PLPPR1: variants seen among roughly 807,000 people sequenced by gnomAD.
PLPPR1 encodes phospholipid phosphatase related 1, also known as phospholipid phosphatase-related protein type 1.
A neutral mutation model predicts 33.1 loss-of-function variants in PLPPR1; 10 were observed. That is an observed-to-expected ratio of 0.30 (90% CI 0.19 to 0.51). The LOEUF (loss-of-function observed/expected upper bound fraction) is 0.51. PLPPR1 is among the 20% of genes least tolerant of loss of function. The pLI is 0.97. For synonymous variants in PLPPR1, 151 were observed against 151.0 expected (o/e 1.00, Z 0.00); for missense variants, 304 against 408.1 (o/e 0.74, Z 2.20).
intron 1 of PLPPR1, among the ~76,000 whole-genome samples, chr9:101,128,874 C>G (rs1831280672): frequency 6.6e-6 from 1 of 152,160 alleles, no homozygotes; most frequent in Non-Finnish European, 1.5e-5. Context: ...TCTTTTTCCT[C>G]TCTCTAATAA....
chr9:101,237,978 C>CATATATAT (rs1464878741), intron 2 of PLPPR1, among the ~76,000 whole-genome samples: 1 of 75,296 alleles, frequency 1.3e-5, no homozygotes, highest in African/African-American at 7.8e-5. Flanking sequence ...GGCTATATAG[C>CATATATAT]CTATATATAT....
At chr9:101,051,108 T>C (rs1438628923) in intron 1 of PLPPR1, among the ~76,000 whole-genome samples, 4 of 152,340 alleles carry the variant, frequency 2.6e-5, no homozygotes, top group Middle Eastern at 3.4e-3. Context: ...AATGCTGATA[T>C]TGATGAGCTT....
intron 1 of PLPPR1, among the ~76,000 whole-genome samples, chr9:101,136,294 T>C (rs916934699): frequency 6.6e-6 from 1 of 152,248 alleles, no homozygotes; most frequent in Non-Finnish European, 1.5e-5. Context: ...AAACATATAA[T>C]GTTCACATGA....
chr9:101,093,296 A>G (rs1198976522), intron 1 of PLPPR1, among the ~76,000 whole-genome samples: 1 of 152,226 alleles, frequency 6.6e-6, no homozygotes, highest in Admixed American at 6.5e-5. Context: ...CAACACTCTC[A>G]GTTATTAATA....
At chr9:101,051,408 A>G (rs1033161973) in intron 1 of PLPPR1, among the ~76,000 whole-genome samples, 4 of 152,026 alleles carry the variant, frequency 2.6e-5, no homozygotes, top group South Asian at 2.1e-4. Context: ...CTGGCACTCA[A>G]TATCCTCCAA....
At chr9:101,056,848 G>C (rs891913503) in intron 1 of PLPPR1, among the ~76,000 whole-genome samples, 5 of 152,122 alleles carry the variant, frequency 3.3e-5, no homozygotes, top group Non-Finnish European at 5.9e-5. Context: ...AAATGGGGAT[G>C]GAGTGGACTG....
At chr9:101,237,825 A>ATG (rs1256424902) in intron 2 of PLPPR1, among the ~76,000 whole-genome samples, 9 of 99,024 alleles carry the variant, frequency 9.1e-5, no homozygotes, top group African/African-American at 4.0e-4. Context: ...GCATATATAT[A>ATG]TATATATATA....
At chr9:101,265,860 G>A (rs1310780081) in intron 2 of PLPPR1, among the ~76,000 whole-genome samples, 1 of 152,060 alleles carries the variant, frequency 6.6e-6, no homozygotes, top group Non-Finnish European at 1.5e-5. Context: ...GCTGGGTGCG[G>A]TGGTGTGCGC....
intron 1 of PLPPR1, among the ~76,000 whole-genome samples, chr9:101,149,807 T>A (rs185592147): frequency 2.6e-5 from 4 of 152,140 alleles, no homozygotes; most frequent in African/African-American, 9.7e-5. Flanking sequence ...GGGAAAGATA[T>A]GTCTTTTTTA....
intron 1 of PLPPR1, among the ~76,000 whole-genome samples, chr9:101,041,495 T>A (rs1830078019): frequency 6.6e-6 from 1 of 152,172 alleles, no homozygotes; most frequent in South Asian, 2.1e-4. Context: ...ATATGAACTG[T>A]TATTGAGGAA....
At chr9:101,082,028 C>G (rs1441441134) in intron 1 of PLPPR1, among the ~76,000 whole-genome samples, 1 of 152,170 alleles carries the variant, frequency 6.6e-6, no homozygotes, top group African/African-American at 2.4e-5. Context: ...AGAGTTGTCC[C>G]TGAGATCAAG....
intron 7 of PLPPR1, among the ~76,000 whole-genome samples, chr9:101,322,932 T>C (rs1045467861): frequency 6.6e-6 from 1 of 152,202 alleles, no homozygotes; most frequent in Admixed American, 6.5e-5. Flanking sequence ...TTAATGGATC[T>C]GTATTATGTA....
chr9:101,268,585 A>T (rs1449260089), intron 2 of PLPPR1, among the ~76,000 whole-genome samples: 2 of 152,218 alleles, frequency 1.3e-5, no homozygotes. Flanking sequence ...CCTACAGATC[A>T]GGAAATGTGG....
chr9:101,113,387 C>G (rs1167294586), intron 1 of PLPPR1, among the ~76,000 whole-genome samples: 1 of 151,930 alleles, frequency 6.6e-6, no homozygotes, highest in East Asian at 1.9e-4. Flanking sequence ...AGAGAAGCAA[C>G]AAGAAAGTGA....
Position 101,037,211 on chromosome 9 carries a change from A to T in PLPPR1, c.-46+8109A>T, listed in dbSNP as rs191760416. On this transcript the variant is annotated intron_variant, in intron 1 of 7. Transcript: ENST00000374874. ...AATAACAGGGAGAAGAACTGCATACACATAAGAAATAAATCCCCTGCTTGT... is the reference window on the plus strand; with the variant it reads ...AATAACAGGGAGAAGAACTGCATACTCATAAGAAATAAATCCCCTGCTTGT... Among the ~76,000 whole-genome samples, 367 of 152,238 alleles carry T rather than the reference A, an allele frequency of 2.4e-3. 2 individuals are homozygous for T. Among genetic ancestry groups the T allele is most frequent in the Non-Finnish European group, 4.6e-3 (314 of 68,000 alleles).
intron 1 of PLPPR1, among the ~76,000 whole-genome samples, chr9:101,061,010 A>G (rs1221824415): frequency 6.6e-6 from 1 of 151,904 alleles, no homozygotes; most frequent in African/African-American, 2.4e-5. Context: ...GTGTCTCAGT[A>G]TGAAGACTTG....
At chr9:101,065,018 CT>C (rs1286391591) in intron 1 of PLPPR1, among the ~76,000 whole-genome samples, 6 of 152,074 alleles carry the variant, frequency 3.9e-5, no homozygotes, top group Non-Finnish European at 1.5e-5. Flanking sequence ...TGGGGACCAA[CT>C]TTTTAAGACA....
chr9:101,070,616 C>T (rs894604641), intron 1 of PLPPR1, among the ~76,000 whole-genome samples: 1 of 152,004 alleles, frequency 6.6e-6, no homozygotes, highest in Non-Finnish European at 1.5e-5. Flanking sequence ...ATCTTCCACT[C>T]GAAGTGATAC....
At chr9:101,038,582 C>T (rs533641280) in intron 1 of PLPPR1, among the ~76,000 whole-genome samples, 1 of 152,224 alleles carries the variant, frequency 6.6e-6, no homozygotes, top group East Asian at 1.9e-4. Flanking sequence ...CAGGGTTCCA[C>T]AACTGGTGAT....
Sources: allele counts gnomAD v4.1 joint callset (sites outside exome capture counted in the v4.1 genomes callset), GRCh38; gene constraint gnomAD v4.1.1; transcripts MANE v1.5; gene names NCBI Gene and HGNC (gene_info 2026-07-23, HGNC 2026-07-21).